SALL1: variants seen among roughly 807,000 people sequenced by gnomAD.
The protein encoded by SALL1 is spalt like transcription factor 1, also known as sal-like protein 1.
A neutral mutation model predicts 73.1 loss-of-function variants in SALL1; 10 were observed. That is an observed-to-expected ratio of 0.14 (90% CI 0.08 to 0.23). The LOEUF (loss-of-function observed/expected upper bound fraction) is 0.23, where lower values mean the gene tolerates loss of function less well. Among genes scored for constraint, SALL1 ranks in the 10% least tolerant of loss-of-function variants. SALL1 has a pLI of 1.00. For missense variants in SALL1, 1,520 were observed against 1,697.3 expected (o/e 0.90, Z 1.84); for synonymous variants, 688 against 689.8 (o/e 1.00, Z 0.04).
Position 51,137,198 on chromosome 16 carries a change from G to C in SALL1, c.3889C>G (p.Leu1297Val), listed in dbSNP as rs1460519237. 1 of 1,614,012 alleles carries C rather than the reference G, an allele frequency of 6.2e-7. No individual in the cohort carries two copies. The highest frequency in any genetic ancestry group is 8.5e-7 in the Non-Finnish European group (1 of 1,180,044). Residue 1297 changes from leucine to valine, a missense_variant, in exon 3 of 3, where the codon CTG becomes GTG. Around this residue, in one of 7 missense-constraint regions of SALL1, gnomAD observed 318 missense variants for 357.1 expected, o/e 0.89. Transcript: ENST00000251020. ...NSEPNAPLAG[L>V]EKMASSENGT... ...TTCTCACTGCTTGCCATTTTCTCCAGGCCGGCCAGGGGAGCATTGGGCTCT... is the reference window on the plus strand; with the variant it reads ...TTCTCACTGCTTGCCATTTTCTCCACGCCGGCCAGGGGAGCATTGGGCTCT...
At chr16:51,149,879 C>T (rs1962571106) in intron 1 of SALL1, 1 of 152,166 alleles carries the variant, frequency 6.6e-6, no homozygotes, top group Non-Finnish European at 1.5e-5. Context: ...CGGGGCCCAG[C>T]TCCCTCCTTC....
intron 1 of SALL1, 113 bp from the exon 2 acceptor site, chr16:51,142,258 G>T: frequency 1.2e-6 from 1 of 839,966 alleles, no homozygotes; most frequent in Non-Finnish European, 2.0e-6. Flanking sequence ...ACTCAAAACT[G>T]TAGCCCTTGA....
chr16:51,140,025 G>C lies in SALL1; in HGVS notation c.2197C>G (p.Pro733Ala). ...MHYRTHTGER[P>A]FKCKICGRAF... The stretch of plus-strand genomic sequence containing the variant: ...CGGCCACAGATCTTACACTTAAAGG[G>C]CCTCTCCCCAGTGTGTGTCCTGTAG... The change falls in exon 2 of 3, where the codon CCC becomes GCC. Residue 733 changes from proline (P) to alanine (A), a missense_variant. This residue lies in a region of SALL1 where 77 missense variants were observed against 117.2 expected (regional missense o/e 0.66). Transcript: ENST00000251020. This position sits in a 1 kb window ranked among gnomAD's most constrained non-coding sequence, Gnocchi z 5.7. 6.2e-7 allele frequency: 1 copy of C among 1,614,180 alleles called. No individual in the cohort carries two copies. Among genetic ancestry groups the C allele is most frequent in the Non-Finnish European group, 8.5e-7 (1 of 1,180,034 alleles).
In SALL1 at chr16:51,137,375, C is replaced by T; in HGVS notation, c.3712G>A (p.Ala1238Thr). The change falls in exon 3 of 3, where the codon GCA becomes ACA. Residue 1238 changes from alanine (A) to threonine (T), a missense_variant. Physicochemically the swap from Ala to Thr is moderately conservative, Grantham distance 58. Around this residue, in one of 7 missense-constraint regions of SALL1, gnomAD observed 318 missense variants for 357.1 expected, o/e 0.89. Coordinates refer to ENST00000251020, the MANE Select transcript of SALL1 (RefSeq NM_002968.3). Reference sequence around the variant, plus strand: ...GCCAGCCCGTTGGAGAGCGCTGCTGCATACTGATTCCAGAAGCTGGAAGGA... The same window carrying T: ...GCCAGCCCGTTGGAGAGCGCTGCTGTATACTGATTCCAGAAGCTGGAAGGA... ...GDPSSFWNQYAAALSNGLAMK... is the reference protein window; with the variant it reads ...GDPSSFWNQYTAALSNGLAMK... 1.2e-6 allele frequency: 2 copies of T among 1,614,170 alleles called. No individual in the cohort carries two copies. Among genetic ancestry groups the T allele is most frequent in the East Asian group, 4.5e-5 (2 of 44,880 alleles).
chr16:51,140,608 G>A lies in SALL1; in HGVS notation c.1614C>T (p.Val538=). The A allele has an allele frequency of 5.6e-6, 9 of 1,614,098 alleles. No individual in the cohort carries two copies. The highest frequency in any genetic ancestry group is 7.6e-6 in the Non-Finnish European group (9 of 1,179,972). ...CTGGTTTGGTGTCTAGCCAGCTGGT[G>A]ACTGGCTTCTCTGGAGGGATGGACA... ...YGMSIPPEKP[V]TSWLDTKPVL... is the part of the protein sequence containing the mutation. The change falls in exon 2 of 3, where the codon GTC becomes GTT. Residue 538 remains valine, a synonymous_variant. Coordinates refer to ENST00000251020, the MANE Select transcript of SALL1 (RefSeq NM_002968.3). The surrounding 1 kb of genome is among the most constrained non-coding windows in gnomAD (Gnocchi z 5.7).
rs775410089 is a variant in SALL1 at position 51,137,278 on chromosome 16, C to T, written c.3809G>A (p.Gly1270Glu). The T allele has an allele frequency of 6.2e-7, 1 of 1,614,080 alleles. No individual in the cohort carries two copies. The highest frequency in any genetic ancestry group is 8.5e-7 in the Non-Finnish European group (1 of 1,180,004). ...IPPIPGSLGS[G>E]NSSPVSGLTG... ...CAGCCCACTAACAGGTGAGCTGTTC[C>T]CACTGCCGAGGCTTCCAGGAATTGG... Residue 1270 changes from glycine (G) to glutamate (E), a missense_variant, in exon 3 of 3, where the codon GGG becomes GAG. Gly to Glu is a moderately conservative substitution (Grantham distance 98, BLOSUM62 -2). This residue lies in a region of SALL1 where 318 missense variants were observed against 357.1 expected (regional missense o/e 0.89). Transcript: ENST00000251020.
upstream of SALL1, chr16:51,151,512 T>G (rs1390174298): frequency 6.1e-6 from 1 of 163,052 alleles, no homozygotes; most frequent in East Asian, 1.8e-4. Flanking sequence ...CCTTAATCAA[T>G]TAGTTCGTGA....
chr16:51,142,706 C>G (rs1307833697), intron 1 of SALL1, among the ~76,000 whole-genome samples: 2 of 152,176 alleles, frequency 1.3e-5, no homozygotes, highest in African/African-American at 4.8e-5. Flanking sequence ...CGAACCTGCG[C>G]TAAGTCTGAT....
chr16:51,141,216 C>G lies in SALL1; in HGVS notation c.1006G>C (p.Gly336Arg). ...SGNTIIPSNS[G>R]SSPNMNILAA... ...AATATGTTCATATTGGGAGAAGAGC[C>G]GCTGTTGGATGGAATGATGGTGTTG... Residue 336 changes from glycine to arginine, a missense_variant, in exon 2 of 3, where the codon GGC becomes CGC. Coordinates refer to ENST00000251020, the MANE Select transcript of SALL1 (RefSeq NM_002968.3). This position sits in a 1 kb window ranked among gnomAD's most constrained non-coding sequence, Gnocchi z 5.4. 1 of 1,614,088 alleles carries G rather than the reference C, an allele frequency of 6.2e-7. No individual in the cohort carries two copies. Among genetic ancestry groups the G allele is most frequent in the Non-Finnish European group, 8.5e-7 (1 of 1,180,024 alleles).
At chr16:51,137,582 C>CA in intron 2 of SALL1, 30 bp from the exon 3 acceptor site, 1 of 1,503,204 alleles carries the variant, frequency 6.7e-7, no homozygotes, top group Non-Finnish European at 9.2e-7. Context: ...GGCAGAGAGA[C>CA]AGAGAGAGAG....
chr16:51,143,745 G>A (rs983181207), intron 1 of SALL1, among the ~76,000 whole-genome samples: 6 of 152,126 alleles, frequency 3.9e-5, no homozygotes, highest in Admixed American at 1.3e-4. Flanking sequence ...GAGTGATGCC[G>A]AAGTTGATTA....
chr16:51,151,295 C>A, upstream of SALL1: 1 of 1,351,744 alleles, frequency 7.4e-7, no homozygotes, highest in South Asian at 1.7e-5. Flanking sequence ...AAAAAATCTT[C>A]TCAAAATTAC....
Position 51,141,862 on chromosome 16 carries a change from G to A in SALL1, c.360C>T (p.Asp120=), listed in dbSNP as rs780431562. 9 of 1,613,726 alleles carry A rather than the reference G, an allele frequency of 5.6e-6. No individual in the cohort carries two copies. Among genetic ancestry groups the A allele is most frequent in the Non-Finnish European group, 7.6e-6 (9 of 1,180,018 alleles). The change falls in exon 2 of 3, where the codon GAC becomes GAT. Residue 120 remains aspartate (D), a synonymous_variant. Transcript: ENST00000251020. This position sits in a 1 kb window ranked among gnomAD's most constrained non-coding sequence, Gnocchi z 5.4. The part of the protein sequence containing the change: ...CSDLSEHNGL[D]REESMEVEAP... ...CCTCCACCTCCATGGACTCTTCCCT[G>A]TCAAGTCCGTTGTGTTCTGAAAGGT...
At chr16:51,143,841 A>G (rs1462225968) in intron 1 of SALL1, among the ~76,000 whole-genome samples, 2 of 152,216 alleles carry the variant, frequency 1.3e-5, no homozygotes, top group Non-Finnish European at 2.9e-5. Flanking sequence ...TTAACAAGCT[A>G]GCTTTCCTAA....
In SALL1 at chr16:51,141,588, G is replaced by C. The variant is rs1962432257; in HGVS notation, c.634C>G (p.Gln212Glu). The C allele has an allele frequency of 6.2e-7, 1 of 1,614,016 alleles. No homozygotes were observed. The highest frequency in any genetic ancestry group is 1.3e-5 in the African/African-American group (1 of 74,902). ...STKVAVAQFS[Q>E]EARCGGASGG... ...GAGGCCCCGCCGCACCTCGCTTCCTGGGAGAACTGGGCCACCGCCACCTTG... is the reference window on the plus strand; with the variant it reads ...GAGGCCCCGCCGCACCTCGCTTCCTCGGAGAACTGGGCCACCGCCACCTTG... The change falls in exon 2 of 3, where the codon CAG becomes GAG. Residue 212 changes from glutamine (Q) to glutamate (E), a missense_variant. Physicochemically the swap from Gln to Glu is conservative, Grantham distance 29 (BLOSUM62 2). This residue lies in a region of SALL1 where 540 missense variants were observed against 567.5 expected (regional missense o/e 0.95). Coordinates refer to ENST00000251020, the MANE Select transcript of SALL1 (RefSeq NM_002968.3). This position sits in a 1 kb window ranked among gnomAD's most constrained non-coding sequence, Gnocchi z 5.4.
Position 51,141,962 on chromosome 16 carries a change from G to A in SALL1, c.260C>T (p.Pro87Leu), listed in dbSNP as rs766708202. The A allele has an allele frequency of 1.9e-6, 3 of 1,614,008 alleles. No homozygotes were observed. The Admixed American group carries it at 5.0e-5, about 27-fold the overall frequency. Residue 87 changes from proline to leucine, a missense_variant, in exon 2 of 3, where the codon CCC (proline) becomes CTC (leucine). This residue lies in a region of SALL1 where 540 missense variants were observed against 567.5 expected (regional missense o/e 0.95). Coordinates refer to ENST00000251020, the MANE Select transcript of SALL1 (RefSeq NM_002968.3). The surrounding 1 kb of genome is among the most constrained non-coding windows in gnomAD (Gnocchi z 5.4). Reference sequence around the variant, plus strand: ...ATCAGGATTATCAGGAGGGGGGCTGGGGGAGAAGGTTTCGGGTGGGGAGGC... The same window carrying A: ...ATCAGGATTATCAGGAGGGGGGCTGAGGGAGAAGGTTTCGGGTGGGGAGGC... ...NPASPPETFS[P>L]SPPPDNPDEQ...
Position 51,151,098 on chromosome 16 carries a change from A to T in SALL1, c.76+68T>A, listed in dbSNP as rs114566336. ...GGGGCGCGGGGGCCAGCCGCGTGTG[A>T]GTGGGTCCGAGTGTGCGTGAGTGTG... On this transcript the variant is annotated intron_variant, in intron 1 of 2. Transcript: ENST00000251020. The T allele has an allele frequency of 6.3e-3, 7,448 of 1,174,478 alleles. 365 individuals carry two copies. In the African/African-American group the frequency reaches 0.11, roughly 17 times the overall value. The allele number at this position is 1,174,478 out of a possible 1,614,324, so 72.8% of individuals were successfully genotyped here.
intron 1 of SALL1, among the ~76,000 whole-genome samples, chr16:51,148,592 G>A (rs1056982574): frequency 1.3e-5 from 2 of 152,204 alleles, no homozygotes; most frequent in Non-Finnish European, 2.9e-5. Context: ...GTGGGGAGAA[G>A]AATGAGATTG....
At position 51,141,633 on chromosome 16, in the gene SALL1, T is replaced by G; in HGVS notation, c.589A>C (p.Ile197Leu). ...NFSVINSNVI[I>L]ENLQSTKVAV... Reference sequence around the variant, plus strand: ...ACCTTGGTGCTCTGGAGGTTCTCGATGATGACGTTGCTGTTGATTACGGAG... The same window carrying G: ...ACCTTGGTGCTCTGGAGGTTCTCGAGGATGACGTTGCTGTTGATTACGGAG... Residue 197 changes from isoleucine to leucine, a missense_variant, in exon 2 of 3, where the codon ATC becomes CTC. Coordinates refer to ENST00000251020, the MANE Select transcript of SALL1 (RefSeq NM_002968.3). This position sits in a 1 kb window ranked among gnomAD's most constrained non-coding sequence, Gnocchi z 5.4. 6.2e-7 allele frequency: 1 copy of G among 1,613,926 alleles called. No individual in the cohort carries two copies. The highest frequency in any genetic ancestry group is 8.5e-7 in the Non-Finnish European group (1 of 1,180,026).
Sources: allele counts gnomAD v4.1 joint callset (sites outside exome capture counted in the v4.1 genomes callset), GRCh38; gene constraint gnomAD v4.1.1; regional missense constraint gnomAD v4.1.1; non-coding constraint Gnocchi (gnomAD v3.1); transcripts MANE v1.5; gene names NCBI Gene and HGNC (gene_info 2026-07-23, HGNC 2026-07-21).